Variants in TBC1D5 observed in about 807,000 individuals in gnomAD.
The protein encoded by TBC1D5 is TBC1 domain family member 5.
In TBC1D5, 75 loss-of-function variants were observed where a neutral mutation model predicts 100.3. The ratio of observed to expected loss-of-function variants is 0.75; its 90% CI spans 0.62 to 0.91. The LOEUF is 0.91. TBC1D5 is among the 40% of genes least tolerant of loss of function. The pLI, the probability that TBC1D5 is intolerant of heterozygous loss-of-function variation, is 0.00. For synonymous variants in TBC1D5, 323 were observed against 325.6 expected (o/e 0.99, Z 0.09); for missense variants, 910 against 942.4 (o/e 0.97, Z 0.45).
chr3:17,634,176 A>T, intron 1 of TBC1D5, among the ~76,000 whole-genome samples: 1 of 152,186 alleles, frequency 6.6e-6, no homozygotes, highest in East Asian at 1.9e-4. Flanking sequence ...TTCCTCAAAA[A>T]AACTAAAAAT....
chr3:17,628,090 C>T (rs532580798), intron 1 of TBC1D5, among the ~76,000 whole-genome samples: 1 of 152,144 alleles, frequency 6.6e-6, no homozygotes, highest in Non-Finnish European at 1.5e-5. Context: ...CACACTCCGC[C>T]GGGTGTGGTG....
intron 2 of TBC1D5, among the ~76,000 whole-genome samples, chr3:17,567,102 C>T (rs1249862973): frequency 6.6e-6 from 1 of 151,790 alleles, no homozygotes; most frequent in Non-Finnish European, 1.5e-5. Flanking sequence ...ATACACTAAA[C>T]TTCATACCAA....
rs970696087 is a variant in TBC1D5 at position 17,269,804 on chromosome 3, G to A, written c.1246-11213C>T. Among the ~76,000 whole-genome samples the A allele has an allele frequency of 1.6e-4, 24 of 152,208 alleles. 1 individual carries two copies. Among genetic ancestry groups the A allele is most frequent in the African/African-American group, 4.6e-4 (19 of 41,522 alleles). ...GACTATGGCCTCCAGCTACATCTATGTTGCTGTAAAGGACACAGTTTCATT... is the reference window on the plus strand; with the variant it reads ...GACTATGGCCTCCAGCTACATCTATATTGCTGTAAAGGACACAGTTTCATT... On this transcript the variant is annotated intron_variant, in intron 15 of 21. Transcript: ENST00000253692.
rs2068329478 is a variant in TBC1D5, at chr3:17,674,176, A to G, written c.-100-50263T>C. On this transcript the variant is annotated intron_variant, in intron 1 of 21. Transcript: ENST00000253692. ...CGTAAAGAAATTCAGTACCACAAGT[A>G]CAAGTTTTTCCATCTTGTGTTAACC... Among the ~76,000 whole-genome samples, 11 of 152,298 alleles carry G rather than the reference A, an allele frequency of 7.2e-5. No homozygotes were observed. In the South Asian group the frequency reaches 2.3e-3, roughly 32 times the overall value.
chr3:17,702,353 T>C (rs536358507), intron 1 of TBC1D5: 3 of 76,464 alleles, frequency 3.9e-5, no homozygotes, highest in South Asian at 1.1e-3. Context: ...TCATAACTAA[T>C]AGTTATATAA....
chr3:17,518,398 G>C (rs1445727491), intron 2 of TBC1D5, among the ~76,000 whole-genome samples: 1 of 152,174 alleles, frequency 6.6e-6, no homozygotes, highest in Non-Finnish European at 1.5e-5. Flanking sequence ...ACATGGGAGA[G>C]AAGTGGCTTG....
chr3:17,635,771 T>C (rs2063861725), intron 1 of TBC1D5, among the ~76,000 whole-genome samples: 2 of 152,182 alleles, frequency 1.3e-5, no homozygotes, highest in Admixed American at 1.3e-4. Flanking sequence ...GTTCTAACTG[T>C]GATGAGTTTA....
exon 3 of TBC1D5, chr3:17,508,544 T>A: frequency 2.5e-6 from 4 of 1,613,644 alleles, no homozygotes; most frequent in Non-Finnish European, 3.4e-6. Flanking sequence ...GCAGAGGATG[T>A]CTAGTTTCAG....
intron 19 of TBC1D5, among the ~76,000 whole-genome samples, chr3:17,171,852 T>A (rs934261839): frequency 7.2e-5 from 11 of 152,176 alleles, no homozygotes; most frequent in African/African-American, 2.7e-4. Flanking sequence ...GTTCCTTCAA[T>A]AAAAGACAAT....
intron 1 of TBC1D5, among the ~76,000 whole-genome samples, chr3:17,711,169 A>T (rs1301528303): frequency 6.6e-6 from 1 of 152,186 alleles, no homozygotes; most frequent in African/African-American, 2.4e-5. Context: ...GTCTTGAGAG[A>T]ACACTAGATT....
At chr3:17,474,614 A>T (rs960089817) in intron 3 of TBC1D5, among the ~76,000 whole-genome samples, 1 of 152,192 alleles carries the variant, frequency 6.6e-6, no homozygotes, top group Non-Finnish European at 1.5e-5. Context: ...CAGAAGATAT[A>T]TTTAGACAGT....
intron 2 of TBC1D5, among the ~76,000 whole-genome samples, chr3:17,589,764 G>A (rs540815521): frequency 1.3e-5 from 2 of 152,082 alleles, no homozygotes; most frequent in Non-Finnish European, 2.9e-5. Context: ...TCTACTGTCA[G>A]GTTTAGAATG....
At chr3:17,201,268 T>C (rs563784201) in intron 18 of TBC1D5, among the ~76,000 whole-genome samples, 1 of 152,274 alleles carries the variant, frequency 6.6e-6, no homozygotes, top group South Asian at 2.1e-4. Flanking sequence ...CGGCCCCTTC[T>C]CTAGGCAAAT....
intron 2 of TBC1D5, among the ~76,000 whole-genome samples, chr3:17,516,898 T>C (rs986629415): frequency 1.3e-5 from 2 of 152,172 alleles, no homozygotes; most frequent in African/African-American, 4.8e-5. Flanking sequence ...AAGTCTTCTT[T>C]CTATTCCTTA....
intron 13 of TBC1D5, among the ~76,000 whole-genome samples, chr3:17,309,520 TC>T (rs2083760087): frequency 6.6e-6 from 1 of 152,076 alleles, no homozygotes; most frequent in Non-Finnish European, 1.5e-5. Context: ...TGTTACAATG[TC>T]TTTTATAATT....
chr3:17,471,487 C>A (rs2095371544), intron 3 of TBC1D5, among the ~76,000 whole-genome samples: 1 of 151,990 alleles, frequency 6.6e-6, no homozygotes. Context: ...TTGCCTTCCT[C>A]TTGCCTGGTA....
At chr3:17,603,724 G>A (rs1264637520) in intron 2 of TBC1D5, among the ~76,000 whole-genome samples, 2 of 152,002 alleles carry the variant, frequency 1.3e-5, no homozygotes, top group Non-Finnish European at 2.9e-5. Context: ...GGAGTGCAGT[G>A]GCGCAATCTC....
intron 18 of TBC1D5, among the ~76,000 whole-genome samples, chr3:17,191,607 C>G (rs919218319): frequency 6.6e-6 from 1 of 151,976 alleles, no homozygotes; most frequent in Non-Finnish European, 1.5e-5. Context: ...GTATGCTATG[C>G]AAACCTTATT....
At chr3:17,728,977 G>T (rs930451905) in intron 1 of TBC1D5, among the ~76,000 whole-genome samples, 3 of 101,736 alleles carry the variant, frequency 2.9e-5, no homozygotes, top group Non-Finnish European at 5.6e-5. Context: ...GATAGGCATA[G>T]AGTTAAAGAT....
Sources: gnomAD v4.1 joint callset for allele counts (sites outside exome capture counted in the v4.1 genomes callset) on GRCh38, gnomAD v4.1.1 for gene constraint, MANE v1.5 for transcripts, NCBI Gene and HGNC (gene_info 2026-07-23, HGNC 2026-07-21) for gene names.